Variants in ERN1 observed in about 807,000 individuals in gnomAD.
The protein encoded by ERN1 is serine/threonine-protein kinase/endoribonuclease IRE1.
ERN1 carries 39 observed loss-of-function variants against 113.1 expected under a neutral mutation model. The observed-to-expected ratio is 0.34, with a 90% CI of 0.27 to 0.45. The LOEUF (loss-of-function observed/expected upper bound fraction) is 0.45. Ranked by LOEUF, ERN1 falls within the 20% of genes least tolerant of loss-of-function variation. The pLI is 1.00. For missense variants in ERN1, 976 were observed against 1,274.8 expected, an observed-to-expected ratio of 0.77 and a Z score of 3.57; for synonymous variants, 507 against 515.9, an observed-to-expected ratio of 0.98 and a Z score of 0.23.
Position 64,130,080 on chromosome 17 carries a change from G to A in ERN1, c.-51C>T. 7.5e-7 allele frequency: 1 copy of A among 1,324,738 alleles called. No homozygotes were observed. The highest frequency in any genetic ancestry group is 1.9e-5 in the South Asian group (1 of 51,444). 82.1% of individuals were successfully genotyped at this position (1,324,738 alleles called of 1,614,324 possible). On this transcript the variant is annotated 5_prime_UTR_variant, in exon 1 of 22. Coordinates refer to ENST00000433197, the MANE Select transcript of ERN1 (RefSeq NM_001433.5). The surrounding 1 kb of genome is among the most constrained non-coding windows in gnomAD (Gnocchi z 4.0). Reference sequence around the variant, plus strand: ...GGGCGGTACGGACAGAGGACGGGGCGGGGGCGCCGCGACGACAGCGAGGCG... The same window carrying A: ...GGGCGGTACGGACAGAGGACGGGGCAGGGGCGCCGCGACGACAGCGAGGCG...
intron 12 of ERN1, 45 bp from the exon 13 acceptor site, chr17:64,055,993 A>C: frequency 1.3e-6 from 2 of 1,495,580 alleles, no homozygotes; most frequent in South Asian, 1.3e-5. Flanking sequence ...CTGTTCCCAC[A>C]GGGAAACAAG....
At chr17:64,056,815 C>G (rs1441238981) in intron 12 of ERN1, among the ~76,000 whole-genome samples, 1 of 152,112 alleles carries the variant, frequency 6.6e-6, no homozygotes, top group Non-Finnish European at 1.5e-5. Flanking sequence ...GACAAGGGAT[C>G]AATAATAATG....
intron 1 of ERN1, among the ~76,000 whole-genome samples, chr17:64,124,105 C>T (rs1453541855): frequency 2.0e-5 from 3 of 152,168 alleles, no homozygotes; most frequent in African/African-American, 4.8e-5. Flanking sequence ...TAACGAGTAT[C>T]AGTGAGGGTA....
chr17:64,104,882 G>A (rs1914480615), intron 1 of ERN1, among the ~76,000 whole-genome samples: 1 of 152,046 alleles, frequency 6.6e-6, no homozygotes, highest in South Asian at 2.1e-4. Flanking sequence ...TAAGTCAATG[G>A]CAAGATACAG....
chr17:64,111,783 C>T (rs1027463222), intron 1 of ERN1, among the ~76,000 whole-genome samples: 1 of 152,146 alleles, frequency 6.6e-6, no homozygotes, highest in Non-Finnish European at 1.5e-5. Flanking sequence ...ATAGCAACAT[C>T]TCTCTAAACA....
chr17:64,086,637 CT>C (rs773655917), intron 2 of ERN1, among the ~76,000 whole-genome samples: 61 of 47,588 alleles, frequency 1.3e-3, no homozygotes, highest in Non-Finnish European at 2.0e-3. Context: ...CTTTTCTTTC[CT>C]TTTTTTTTTT....
intron 2 of ERN1, chr17:64,097,890 GC>G (rs1013038052): frequency 2.0e-6 from 1 of 504,642 alleles, no homozygotes; most frequent in African/African-American, 1.9e-5. Flanking sequence ...CTAAACAGAA[GC>G]AAAAAAGAAG....
chr17:64,094,642 T>C (rs1454475885), intron 2 of ERN1, among the ~76,000 whole-genome samples: 1 of 151,456 alleles, frequency 6.6e-6, no homozygotes. Flanking sequence ...TTTTTTTTTT[T>C]TAAGGACACT....
intron 1 of ERN1, among the ~76,000 whole-genome samples, chr17:64,112,040 A>T (rs1269607609): frequency 1.3e-5 from 2 of 152,150 alleles, no homozygotes; most frequent in Non-Finnish European, 2.9e-5. Context: ...ATAATTAAGG[A>T]AGAGTTAAAA....
intron 2 of ERN1, among the ~76,000 whole-genome samples, chr17:64,086,188 A>G (rs750872137): frequency 6.6e-6 from 1 of 152,232 alleles, no homozygotes; most frequent in Non-Finnish European, 1.5e-5. Context: ...TTTTAAGTTT[A>G]CAGTTCAATC....
chr17:64,065,651 C>T (rs1456684463), intron 8 of ERN1, among the ~76,000 whole-genome samples: 1 of 152,162 alleles, frequency 6.6e-6, no homozygotes, highest in Non-Finnish European at 1.5e-5. Context: ...CTCTACAACA[C>T]ACTTTCACTC....
intron 15 of ERN1, 116 bp from the exon 16 acceptor site, chr17:64,053,487 T>C: frequency 1.7e-6 from 1 of 580,378 alleles, no homozygotes; most frequent in Non-Finnish European, 2.7e-6. Flanking sequence ...GACAACATTC[T>C]GTCTAAATCC....
intron 1 of ERN1, among the ~76,000 whole-genome samples, chr17:64,128,006 T>TC (rs1915125097): frequency 6.7e-6 from 1 of 149,198 alleles, no homozygotes; most frequent in Non-Finnish European, 1.5e-5. Context: ...TTCTGACCTT[T>TC]CTTTTTTTTT....
chr17:64,080,875 C>A, intron 2 of ERN1, 67 bp from the exon 3 acceptor site: 1 of 1,526,370 alleles, frequency 6.6e-7, no homozygotes, highest in Non-Finnish European at 9.0e-7. Context: ...CAGAGGCTTC[C>A]CAGGACCAGG....
chr17:64,045,834 A>G (rs945101580), intron 19 of ERN1, among the ~76,000 whole-genome samples: 1 of 152,208 alleles, frequency 6.6e-6, no homozygotes, highest in Non-Finnish European at 1.5e-5. Flanking sequence ...AGAAAAGGAA[A>G]GCTCAGATTT....
At chr17:64,068,083 G>T in intron 7 of ERN1, 107 bp downstream of exon 7, 1 of 738,648 alleles carries the variant, frequency 1.4e-6, no homozygotes, top group Non-Finnish European at 2.3e-6. Context: ...GAAAGAACCT[G>T]GTGACAAAGA....
chr17:64,129,838 C>T (rs962325567), intron 1 of ERN1, 138 bp downstream of exon 1: 1 of 777,924 alleles, frequency 1.3e-6, no homozygotes, highest in East Asian at 3.4e-5. Flanking sequence ...CCGAGCCTCC[C>T]ACGGCTGGGC....
chr17:64,095,726 GC>G (rs1914212182), intron 2 of ERN1, among the ~76,000 whole-genome samples: 1 of 152,096 alleles, frequency 6.6e-6, no homozygotes, highest in Non-Finnish European at 1.5e-5. Context: ...ATGCCTAAGT[GC>G]TCCATCCAGT....
Position 64,064,123 on chromosome 17 carries a change from T to G in ERN1, c.950A>C (p.Glu317Ala). Residue 317 changes from glutamate to alanine, a missense_variant, in exon 10 of 22, where the codon GAA becomes GCA. By Grantham distance (107) the Glu-to-Ala change is moderately radical. Around this residue, in one of 5 missense-constraint regions of ERN1, gnomAD observed 459 missense variants for 581.2 expected, o/e 0.79. Transcript: ENST00000433197. The part of the protein sequence containing the change: ...VPRGSTLPLL[E>A]GPQTDGVTIG... ...GGTGACGCCATCAGTCTGGGGCCCT[T>G]CCAGCAAAGGAAGTGTGCTGCCGCG... is the stretch of plus-strand genomic sequence containing the variant. 2 of 1,607,384 alleles carry G rather than the reference T, an allele frequency of 1.2e-6. No homozygotes were observed. The highest frequency in any genetic ancestry group is 1.7e-6 in the Non-Finnish European group (2 of 1,176,724).
Sources: gnomAD v4.1 joint callset for allele counts (sites outside exome capture counted in the v4.1 genomes callset) on GRCh38, gnomAD v4.1.1 for gene constraint, gnomAD v4.1.1 regional missense constraint, Gnocchi (gnomAD v3.1) non-coding constraint, MANE v1.5 for transcripts, NCBI Gene and HGNC (gene_info 2026-07-23, HGNC 2026-07-21) for gene names.